Variants in ZBTB20 observed in about 807,000 individuals in gnomAD.
ZBTB20 encodes the protein zinc finger and BTB domain containing 20, also known as zinc finger and BTB domain-containing protein 20.
ZBTB20 carries 9 observed loss-of-function variants against 56.9 expected under a neutral mutation model. The observed-to-expected ratio is 0.16, with a 90% CI of 0.10 to 0.28. The LOEUF is 0.28. ZBTB20 is among the 10% of genes least tolerant of loss of function. The pLI, the probability that ZBTB20 is intolerant of heterozygous loss-of-function variation, is 1.00. For missense variants in ZBTB20, 655 were observed against 1,003.0 expected (o/e 0.65, Z 4.69); for synonymous variants, 417 against 420.7 (o/e 0.99, Z 0.11).
chr3:115,040,299 T>G (rs562541599), intron 2 of ZBTB20, among the ~76,000 whole-genome samples: 1 of 152,218 alleles, frequency 6.6e-6, no homozygotes, highest in South Asian at 2.1e-4. Flanking sequence ...GCTTATAATA[T>G]GTCAGGGTAA....
chr3:114,873,238 A>G (rs1378140094), intron 4 of ZBTB20: 1 of 152,112 alleles, frequency 6.6e-6, no homozygotes, highest in Non-Finnish European at 1.5e-5. Context: ...TCCAGTATCT[A>G]GGAGAGTTTA....
chr3:114,897,266 C>A, intron 4 of ZBTB20, among the ~76,000 whole-genome samples: 1 of 152,066 alleles, frequency 6.6e-6, no homozygotes, highest in East Asian at 1.9e-4. Flanking sequence ...CTCTCACTAG[C>A]CTGTATCCTC....
intron 10 of ZBTB20, among the ~76,000 whole-genome samples, chr3:114,361,659 G>A (rs773506740): frequency 9.9e-5 from 15 of 152,206 alleles, no homozygotes; most frequent in Non-Finnish European, 1.3e-4. Flanking sequence ...AACCCAGAAT[G>A]GGTAAGGAGA....
intron 6 of ZBTB20, among the ~76,000 whole-genome samples, chr3:114,558,338 T>C (rs2051525980): frequency 6.6e-6 from 1 of 152,022 alleles, no homozygotes; most frequent in African/African-American, 2.4e-5. Flanking sequence ...TATCAGTTAC[T>C]TCAACAATCC....
intron 4 of ZBTB20, among the ~76,000 whole-genome samples, chr3:114,895,536 A>G (rs780114403): frequency 3.1e-4 from 47 of 152,284 alleles, no homozygotes; most frequent in Non-Finnish European, 4.9e-4. Flanking sequence ...TGTGGCATGT[A>G]TAGTTAGAAA....
rs761382637 is a variant in ZBTB20, at chr3:115,042,050, G to A, written c.-507+29169C>T. On this transcript the variant is annotated intron_variant, in intron 2 of 11. Transcript: ENST00000675478. ...ATCCAATCCCTCAAGAGCTGTCATC[G>A]TTTTTGTTGTTGTTGATACTCTCCA... Among the ~76,000 whole-genome samples, 59 of 151,972 alleles carry A rather than the reference G, an allele frequency of 3.9e-4. 1 individual carries two copies. Among genetic ancestry groups the A allele is most frequent in the African/African-American group, 1.4e-3 (57 of 41,378 alleles).
Position 114,698,869 on chromosome 3 carries a change from T to G in ZBTB20, c.-342-5294A>C, listed in dbSNP as rs534703708. 7.2e-5 allele frequency among the ~76,000 whole-genome samples: 11 copies of G among 152,264 alleles called. No homozygotes were observed. The East Asian group carries it at 2.1e-3, about 29-fold the overall frequency. The stretch of plus-strand genomic sequence containing the variant: ...TGCACACAGTTGTATACCTAGCACT[T>G]GCCATGGTGCTTGGCACATTTTCTA... On this transcript the variant is annotated intron_variant, in intron 5 of 11. Transcript: ENST00000675478.
At chr3:115,133,942 C>T (rs1439353781) in intron 1 of ZBTB20, among the ~76,000 whole-genome samples, 1 of 152,200 alleles carries the variant, frequency 6.6e-6, no homozygotes, top group Non-Finnish European at 1.5e-5. Context: ...ATCATCTTCA[C>T]AAGGAGTTTA....
intron 3 of ZBTB20, among the ~76,000 whole-genome samples, chr3:114,970,998 G>A (rs2077858095): frequency 6.7e-6 from 1 of 148,340 alleles, no homozygotes; most frequent in Admixed American, 6.7e-5. Flanking sequence ...CTGGGCAACA[G>A]AGCGAGACTC....
At chr3:115,034,632 A>G (rs2080840304) in intron 2 of ZBTB20, among the ~76,000 whole-genome samples, 1 of 151,946 alleles carries the variant, frequency 6.6e-6, no homozygotes, top group African/African-American at 2.4e-5. Context: ...AAGGCTTAAC[A>G]TTGTCAAGAT....
intron 3 of ZBTB20, among the ~76,000 whole-genome samples, chr3:114,929,957 A>G (rs1240110135): frequency 1.3e-5 from 2 of 152,264 alleles, no homozygotes; most frequent in African/African-American, 4.8e-5. Flanking sequence ...TTACTTGAAT[A>G]TAACTCTAAT....
intron 1 of ZBTB20, among the ~76,000 whole-genome samples, chr3:115,105,454 A>G (rs1012016567): frequency 2.0e-5 from 3 of 152,266 alleles, no homozygotes; most frequent in African/African-American, 7.2e-5. Context: ...GTTTTACCCA[A>G]TACCTAAAGA....
At chr3:114,615,770 T>C (rs911952572) in intron 6 of ZBTB20, among the ~76,000 whole-genome samples, 7 of 152,156 alleles carry the variant, frequency 4.6e-5, no homozygotes, top group Non-Finnish European at 7.4e-5. Flanking sequence ...GATAGAAACA[T>C]AAAGCACATA....
intron 10 of ZBTB20, among the ~76,000 whole-genome samples, chr3:114,356,559 G>C (rs1029304081): frequency 2.6e-5 from 4 of 152,192 alleles, no homozygotes; most frequent in Admixed American, 2.6e-4. Context: ...ATAAGCCTAA[G>C]TCAAGTGGCA....
chr3:114,552,428 G>GTT (rs1264063719), intron 6 of ZBTB20, among the ~76,000 whole-genome samples: 15 of 146,956 alleles, frequency 1.0e-4, no homozygotes, highest in African/African-American at 3.5e-4. Context: ...GACTCTTCCT[G>GTT]TTTTTTTTTT....
chr3:115,052,604 T>A (rs916549803), intron 2 of ZBTB20, among the ~76,000 whole-genome samples: 2 of 152,146 alleles, frequency 1.3e-5, no homozygotes, highest in African/African-American at 4.8e-5. Flanking sequence ...AAGACAAATA[T>A]CTTGTTCAGG....
rs1012360127 is a variant in ZBTB20, at chr3:115,110,394, A to G, written c.-703+36825T>C. On this transcript the variant is annotated intron_variant, in intron 1 of 11. Coordinates refer to ENST00000675478, the MANE Select transcript of ZBTB20 (RefSeq NM_001348800.3). ...TTTTAAGAAAAATCACTTAGCCCCAATAAGCTGTAGGCTTATAGCCATAAC... is the reference window on the plus strand; with the variant it reads ...TTTTAAGAAAAATCACTTAGCCCCAGTAAGCTGTAGGCTTATAGCCATAAC... Among the ~76,000 whole-genome samples the G allele has an allele frequency of 3.3e-5, 5 of 152,332 alleles. 1 individual carries two copies. Among genetic ancestry groups the G allele is most frequent in the Middle Eastern group, 3.4e-3 (1 of 294 alleles).
rs893010228 is a variant in ZBTB20 at position 114,338,408 on chromosome 3, C to G, written c.*597G>C. The G allele has an allele frequency of 1.2e-4, 19 of 152,248 alleles. No homozygotes were observed. The highest frequency in any genetic ancestry group is 4.6e-4 in the African/African-American group (19 of 41,440). The allele number at this position is 152,248 out of a possible 1,614,324, so 9.4% of individuals were successfully genotyped here. ...TTTCTTTCCCACACCACCGAACCCA[C>G]TGCCCTTCCCACCCCCACAGCCCTT... On this transcript the variant is annotated 3_prime_UTR_variant, in exon 12 of 12. Coordinates refer to ENST00000675478, the MANE Select transcript of ZBTB20 (RefSeq NM_001348800.3).
At chr3:114,352,063 G>C in intron 10 of ZBTB20, 185 bp from the exon 11 acceptor site, 1 of 769,282 alleles carries the variant, frequency 1.3e-6, no homozygotes, top group Non-Finnish European at 2.0e-6. Context: ...GAGGGAAAAG[G>C]ACCTTGAATT....
Sources: gnomAD v4.1 joint callset for allele counts (sites outside exome capture counted in the v4.1 genomes callset) on GRCh38, gnomAD v4.1.1 for gene constraint, MANE v1.5 for transcripts, NCBI Gene and HGNC (gene_info 2026-07-23, HGNC 2026-07-21) for gene names.